JAKMIP2: variants seen among roughly 807,000 people sequenced by gnomAD.
JAKMIP2 encodes the protein janus kinase and microtubule-interacting protein 2.
A neutral mutation model predicts 115.0 loss-of-function variants in JAKMIP2; 25 were observed. The observed-to-expected ratio is 0.22, with a 90% CI of 0.16 to 0.30. JAKMIP2 has a LOEUF of 0.30. Among genes scored for constraint, JAKMIP2 ranks in the 10% least tolerant of loss-of-function variants. The pLI is 1.00. For missense variants in JAKMIP2, 642 were observed against 957.6 expected, an observed-to-expected ratio of 0.67 and a Z score of 4.35; for synonymous variants, 334 against 343.6, an observed-to-expected ratio of 0.97 and a Z score of 0.31.
chr5:147,703,310 A>G (rs1049351342), intron 1 of JAKMIP2, among the ~76,000 whole-genome samples: 1 of 152,172 alleles, frequency 6.6e-6, no homozygotes, highest in African/African-American at 2.4e-5. Context: ...TTCATACTGT[A>G]GGCAATTGTT....
chr5:147,667,511 T>G (rs1471169180), intron 2 of JAKMIP2, among the ~76,000 whole-genome samples: 2 of 152,144 alleles, frequency 1.3e-5, no homozygotes. Context: ...AAGGAAAAGG[T>G]TGAGAGGTTA....
intron 1 of JAKMIP2, among the ~76,000 whole-genome samples, chr5:147,723,299 A>G (rs1302954378): frequency 6.6e-6 from 1 of 152,160 alleles, no homozygotes; most frequent in Non-Finnish European, 1.5e-5. Flanking sequence ...GTTAAATGGA[A>G]TACTTTTCAA....
At chr5:147,744,517 A>G (rs966206190) in intron 1 of JAKMIP2, among the ~76,000 whole-genome samples, 4 of 152,228 alleles carry the variant, frequency 2.6e-5, no homozygotes, top group Non-Finnish European at 4.4e-5. Flanking sequence ...AAGTTGTTAC[A>G]TATTTTAAAC....
intron 1 of JAKMIP2, among the ~76,000 whole-genome samples, chr5:147,773,353 A>G (rs1755436682): frequency 6.6e-6 from 1 of 152,170 alleles, no homozygotes; most frequent in South Asian, 2.1e-4. Context: ...ACGTGAACTG[A>G]GAACTGATCA....
chr5:147,716,109 C>T (rs1752978496), intron 1 of JAKMIP2, among the ~76,000 whole-genome samples: 1 of 146,992 alleles, frequency 6.8e-6, no homozygotes, highest in African/African-American at 2.6e-5. Flanking sequence ...GTTTTTTGTT[C>T]TTGTGATAGT....
At chr5:147,599,712 T>G (rs79287763) in intron 21 of JAKMIP2, among the ~76,000 whole-genome samples, 1 of 152,162 alleles carries the variant, frequency 6.6e-6, no homozygotes, top group Non-Finnish European at 1.5e-5. Flanking sequence ...CCAATGTTGC[T>G]TGAAACATGG....
intron 1 of JAKMIP2, among the ~76,000 whole-genome samples, chr5:147,762,999 A>T (rs187646015): frequency 2.7e-4 from 41 of 152,224 alleles, no homozygotes; most frequent in African/African-American, 9.9e-4. Context: ...CATTCTAAGG[A>T]ACAATATACA....
intron 20 of JAKMIP2, among the ~76,000 whole-genome samples, chr5:147,605,202 CATTTTTT>C (rs1561842450): frequency 9.4e-6 from 1 of 106,374 alleles, no homozygotes; most frequent in Non-Finnish European, 1.7e-5. Flanking sequence ...ATATGTGCCA[CATTTTTT>C]TTTTTTTTTT....
intron 5 of JAKMIP2, among the ~76,000 whole-genome samples, chr5:147,647,673 A>G (rs143879408): frequency 1.4e-3 from 211 of 152,322 alleles, no homozygotes; most frequent in African/African-American, 5.0e-3. Context: ...TTATTTTTGT[A>G]TGTTGGAAAA....
chr5:147,617,760 G>T, intron 19 of JAKMIP2, 151 bp downstream of exon 19: 1 of 638,812 alleles, frequency 1.6e-6, no homozygotes, highest in Non-Finnish European at 2.7e-6. Flanking sequence ...GTATGTGCAT[G>T]AAGGTAGAAA....
At chr5:147,721,726 C>A (rs1424936116) in intron 1 of JAKMIP2, among the ~76,000 whole-genome samples, 1 of 152,108 alleles carries the variant, frequency 6.6e-6, no homozygotes, top group Admixed American at 6.5e-5. Context: ...GGTGCGCGCA[C>A]CCACTGACCT....
chr5:147,699,462 C>T (rs1303043287), intron 1 of JAKMIP2, among the ~76,000 whole-genome samples: 2 of 151,930 alleles, frequency 1.3e-5, no homozygotes, highest in Admixed American at 1.3e-4. Flanking sequence ...TAGAGAGGGA[C>T]TCTTTAAATA....
At chr5:147,618,695 G>A (rs770312175) in intron 18 of JAKMIP2, among the ~76,000 whole-genome samples, 36 of 152,084 alleles carry the variant, frequency 2.4e-4, no homozygotes, top group Non-Finnish European at 4.4e-4. Flanking sequence ...CCGAGATCAC[G>A]CATTGCACTC....
intron 1 of JAKMIP2, among the ~76,000 whole-genome samples, chr5:147,747,388 A>G (rs1754385596): frequency 6.6e-6 from 1 of 152,172 alleles, no homozygotes. Flanking sequence ...TAAACCAGTT[A>G]AAGATTAAAA....
In JAKMIP2 at chr5:147,590,066, T is replaced by C. The variant is rs1176324438; in HGVS notation, c.*1641A>G. 6.6e-6 allele frequency: 1 copy of C among 152,170 alleles called. No individual in the cohort carries two copies. Among genetic ancestry groups the C allele is most frequent in the Non-Finnish European group, 1.5e-5 (1 of 68,034 alleles). 9.4% of individuals were successfully genotyped at this position (152,170 alleles called of 1,614,324 possible). A position where few individuals can be genotyped will look rare whatever the true frequency, so the allele number is the denominator to read the frequency against. On this transcript the variant is annotated 3_prime_UTR_variant, in exon 22 of 22. Coordinates refer to ENST00000616793, the MANE Select transcript of JAKMIP2 (RefSeq NM_001270941.2). ...CAAAGATACCTGGGTCAGCAGTAAA[T>C]GTAAGAACAAAAAGTGGGACCCCAG...
Position 147,618,051 on chromosome 5 carries a change from C to G in JAKMIP2, c.2206G>C (p.Gly736Arg). ...ALQQETVIKF[G>R]ELLSEKQQEE... ...TGCTGTTTTTCACTTAATAATTCAC[C>G]AAACTTGATAACAGTTTCTTGCTGT... Residue 736 changes from glycine to arginine, a missense_variant, in exon 19 of 22, where the codon GGT becomes CGT. Gly to Arg is a moderately radical substitution (Grantham distance 125, BLOSUM62 -2). Around this residue, in one of 6 missense-constraint regions of JAKMIP2, gnomAD observed 68 missense variants for 104.6 expected, o/e 0.65. Coordinates refer to ENST00000616793, the MANE Select transcript of JAKMIP2 (RefSeq NM_001270941.2). The G allele has an allele frequency of 6.2e-7, 1 of 1,614,064 alleles. No individual in the cohort carries two copies. Among genetic ancestry groups the G allele is most frequent in the East Asian group, 2.2e-5 (1 of 44,872 alleles).
chr5:147,706,555 A>G (rs971290739), intron 1 of JAKMIP2, among the ~76,000 whole-genome samples: 7 of 152,176 alleles, frequency 4.6e-5, no homozygotes, highest in African/African-American at 1.4e-4. Context: ...GAAAGCAAAA[A>G]ATAACAATAA....
chr5:147,677,440 CACAAAACTCTTG>C (rs1302595916), intron 1 of JAKMIP2, among the ~76,000 whole-genome samples: 1 of 152,126 alleles, frequency 6.6e-6, no homozygotes, highest in Non-Finnish European at 1.5e-5. Context: ...TAGGAACTGG[CACAAAACTCTTG>C]AGGGAGAGAA....
intron 1 of JAKMIP2, among the ~76,000 whole-genome samples, chr5:147,751,256 G>GTTTTTTT (rs59032563): frequency 3.8e-5 from 5 of 131,580 alleles, no homozygotes; most frequent in East Asian, 2.3e-4. Flanking sequence ...TTTTGTTGTT[G>GTTTTTTT]TTTTTTTTTT....
Sources: gnomAD v4.1 joint callset for allele counts (sites outside exome capture counted in the v4.1 genomes callset) on GRCh38, gnomAD v4.1.1 for gene constraint, gnomAD v4.1.1 regional missense constraint, MANE v1.5 for transcripts, NCBI Gene and HGNC (gene_info 2026-07-23, HGNC 2026-07-21) for gene names.